The following OSBPL3 variants were observed in gnomAD, a reference collection of about 807,000 sequenced individuals.
OSBPL3 encodes oxysterol-binding protein-related protein 3.
OSBPL3 carries 65 observed loss-of-function variants against 120.1 expected under a neutral mutation model. That is an observed-to-expected ratio of 0.54 (90% confidence interval 0.44 to 0.67). The LOEUF is 0.67. OSBPL3 is among the 30% of genes least tolerant of loss of function. OSBPL3 has a pLI of 0.00. For missense variants in OSBPL3, 1,004 were observed against 1,082.1 expected (o/e 0.93, Z 1.01); for synonymous variants, 416 against 402.6 (o/e 1.03, Z -0.40).
At chr7:24,917,468 T>C (rs200865031) in intron 1 of OSBPL3, among the ~76,000 whole-genome samples, 3,991 of 111,802 alleles carry the variant, frequency 0.036, 246 homozygotes, top group East Asian at 0.17. Flanking sequence ...TATATATATA[T>C]ACACACACAC....
chr7:24,853,869 G>T (rs1056181560), intron 10 of OSBPL3, among the ~76,000 whole-genome samples: 8 of 152,160 alleles, frequency 5.3e-5, no homozygotes, highest in Non-Finnish European at 1.2e-4. Flanking sequence ...CTGTAAGTTT[G>T]TAATTGTTTC....
At chr7:24,800,964 C>CCAA (rs1792253413) in intron 22 of OSBPL3, among the ~76,000 whole-genome samples, 1 of 145,836 alleles carries the variant, frequency 6.9e-6, no homozygotes, top group Non-Finnish European at 1.5e-5. Flanking sequence ...TAAAGGAGGC[C>CCAA]GGGTGTGGTG....
Position 24,804,286 on chromosome 7 carries a change from C to T in OSBPL3, c.2567+29G>A, listed in dbSNP as rs374501564. ...ATAACGTGCTGGCACCACCTATCAA[C>T]CAAAAACCTACTCAATCCAGGCACG... On this transcript the variant is annotated intron_variant, in intron 22 of 22. Transcript: ENST00000313367. This position sits in a 1 kb window ranked among gnomAD's most constrained non-coding sequence, Gnocchi z 5.4. 239 of 1,613,896 alleles carry T rather than the reference C, an allele frequency of 1.5e-4. No individual in the cohort carries two copies. Among genetic ancestry groups the T allele is most frequent in the Non-Finnish European group, 1.9e-4 (221 of 1,179,940 alleles).
intron 1 of OSBPL3, among the ~76,000 whole-genome samples, chr7:24,921,060 C>G (rs933690912): frequency 6.6e-6 from 1 of 152,108 alleles, no homozygotes; most frequent in Non-Finnish European, 1.5e-5. Flanking sequence ...TATGTGTAAT[C>G]CAAGGTCTAA....
At position 24,899,932 on chromosome 7, in the gene OSBPL3, T is replaced by G. The variant is rs1019490582; in HGVS notation, c.-149-7311A>C. 6.6e-6 allele frequency among the ~76,000 whole-genome samples: 1 copy of G among 152,238 alleles called. No individual in the cohort carries two copies. The highest frequency in any genetic ancestry group is 2.4e-5 in the African/African-American group (1 of 41,466). ...GCCCTGGGTGATTTTTGCTTAAAGT[T>G]TGAGAACGTAACTGACTTAGCCTGT... is the stretch of plus-strand genomic sequence containing the variant. On this transcript the variant is annotated intron_variant, in intron 1 of 22. Coordinates refer to ENST00000313367, the MANE Select transcript of OSBPL3 (RefSeq NM_015550.4). This position sits in a 1 kb window ranked among gnomAD's most constrained non-coding sequence, Gnocchi z 4.0.
chr7:24,866,025 A>T, intron 6 of OSBPL3, 45 bp downstream of exon 6: 1 of 1,542,010 alleles, frequency 6.5e-7, no homozygotes, highest in Non-Finnish European at 9.0e-7. Flanking sequence ...CCATGAAACA[A>T]AGCCACCCCG....
rs1167757308 is a variant in OSBPL3, at chr7:24,972,980, T to C, written c.-150+6906A>G. 2.0e-5 allele frequency among the ~76,000 whole-genome samples: 3 copies of C among 152,292 alleles called. No homozygotes were observed. Among genetic ancestry groups the C allele is most frequent in the East Asian group, 3.9e-4 (2 of 5,190 alleles). On this transcript the variant is annotated intron_variant, in intron 1 of 22. Coordinates refer to ENST00000313367, the MANE Select transcript of OSBPL3 (RefSeq NM_015550.4). This position sits in a 1 kb window ranked among gnomAD's most constrained non-coding sequence, Gnocchi z 4.3. Reference sequence around the variant, plus strand: ...GAGAAATGTTACATTGAGGAAAGTATCTGACCCACACAATACTAAAAATAA... The same window carrying C: ...GAGAAATGTTACATTGAGGAAAGTACCTGACCCACACAATACTAAAAATAA...
intron 5 of OSBPL3, 131 bp downstream of exon 5, chr7:24,870,600 AC>A (rs1801968363): frequency 1.5e-6 from 1 of 647,256 alleles, no homozygotes; most frequent in Non-Finnish European, 2.9e-6. Flanking sequence ...CCAACACTGT[AC>A]ATGAGAAACA....
chr7:24,900,091 T>TGCA lies in OSBPL3; in HGVS notation c.-149-7473_-149-7471dup, dbSNP rs1806768489. 6.6e-6 allele frequency among the ~76,000 whole-genome samples: 1 copy of TGCA among 152,200 alleles called. No homozygotes were observed. On this transcript the variant is annotated intron_variant, in intron 1 of 22. Coordinates refer to ENST00000313367, the MANE Select transcript of OSBPL3 (RefSeq NM_015550.4). This position sits in a 1 kb window ranked among gnomAD's most constrained non-coding sequence, Gnocchi z 4.5. The stretch of plus-strand genomic sequence containing the variant: ...GTTTTTAAAGAGGGGCCCTAAGACT[T>TGCA]GCAGCATCATTATCACCTGGGACCT...
Position 24,804,475 on chromosome 7 carries a change from T to C in OSBPL3, c.2445-38A>G, listed in dbSNP as rs1271901189. On this transcript the variant is annotated intron_variant, in intron 21 of 22. Coordinates refer to ENST00000313367, the MANE Select transcript of OSBPL3 (RefSeq NM_015550.4). The surrounding 1 kb of genome is among the most constrained non-coding windows in gnomAD (Gnocchi z 5.4). ...GGAAAAAAAAATGAAAGGATATGAA[T>C]TCAAGAAAACAAAACAATCATTACT... 1 of 1,597,422 alleles carries C rather than the reference T, an allele frequency of 6.3e-7. No homozygotes were observed. Among genetic ancestry groups the C allele is most frequent in the Admixed American group, 1.7e-5 (1 of 58,800 alleles).
intron 2 of OSBPL3, among the ~76,000 whole-genome samples, chr7:24,890,855 A>C (rs1410889474): frequency 6.6e-6 from 1 of 152,250 alleles, no homozygotes; most frequent in African/African-American, 2.4e-5. Flanking sequence ...CTTCCAAAAA[A>C]GCTTTGTGAA....
At position 24,871,265 on chromosome 7, in the gene OSBPL3, G is replaced by T. The variant is rs1802068544; in HGVS notation, c.268-420C>A. On this transcript the variant is annotated intron_variant, in intron 4 of 22. Transcript: ENST00000313367. This position sits in a 1 kb window ranked among gnomAD's most constrained non-coding sequence, Gnocchi z 4.8. ...AAGTGAGAGCAGAAGGCTGAGAGAG[G>T]ACAGGAGAGGAAGAAGGGAGAAGAG... Among the ~76,000 whole-genome samples the T allele has an allele frequency of 6.6e-6, 1 of 152,190 alleles. No homozygotes were observed. Among genetic ancestry groups the T allele is most frequent in the Non-Finnish European group, 1.5e-5 (1 of 68,038 alleles).
At chr7:24,840,628 A>T in intron 14 of OSBPL3, 62 bp downstream of exon 14, 1 of 685,462 alleles carries the variant, frequency 1.5e-6, no homozygotes, top group South Asian at 1.9e-5. Flanking sequence ...AGTCAACTAT[A>T]CAACTTATTA....
At position 24,849,253 on chromosome 7, in the gene OSBPL3, G is replaced by T; in HGVS notation, c.1159-77C>A. The T allele has an allele frequency of 9.3e-7, 1 of 1,080,558 alleles. No homozygotes were observed. The highest frequency in any genetic ancestry group is 1.4e-6 in the Non-Finnish European group (1 of 717,674). The allele number at this position is 1,080,558 out of a possible 1,614,324, so 66.9% of individuals were successfully genotyped here. ...AAGCACAGCAGTGGGCCCTGCAGGAGCGATCTCTAAGAGCTTGATGAAACT... is the reference window on the plus strand; with the variant it reads ...AAGCACAGCAGTGGGCCCTGCAGGATCGATCTCTAAGAGCTTGATGAAACT... On this transcript the variant is annotated intron_variant, in intron 11 of 22. Transcript: ENST00000313367. The surrounding 1 kb of genome is among the most constrained non-coding windows in gnomAD (Gnocchi z 5.4).
Position 24,852,408 on chromosome 7 carries a change from C to T in OSBPL3, c.1158+96G>A. ...TATAATTTGGATAATTTGGTTTTCT[C>T]CTGAATTTTCAACATAATCATGGAA... On this transcript the variant is annotated intron_variant, in intron 11 of 22. Transcript: ENST00000313367. The surrounding 1 kb of genome is among the most constrained non-coding windows in gnomAD (Gnocchi z 4.1). 8.5e-7 allele frequency: 1 copy of T among 1,172,722 alleles called. No homozygotes were observed. The highest frequency in any genetic ancestry group is 1.1e-6 in the Non-Finnish European group (1 of 876,660). The allele number at this position is 1,172,722 out of a possible 1,614,324, so 72.6% of individuals were successfully genotyped here.
At chr7:24,839,201 T>C (rs556653444) in intron 14 of OSBPL3, among the ~76,000 whole-genome samples, 1 of 152,302 alleles carries the variant, frequency 6.6e-6, no homozygotes, top group African/African-American at 2.4e-5. Flanking sequence ...GCTTTGAGTA[T>C]CCAATGCATA....
intron 10 of OSBPL3, among the ~76,000 whole-genome samples, chr7:24,856,815 C>T (rs1799894505): frequency 6.6e-6 from 1 of 152,074 alleles, no homozygotes; most frequent in African/African-American, 2.4e-5. Flanking sequence ...GTTAACATTC[C>T]TAATATATCT....
In OSBPL3 at chr7:24,959,315, G is replaced by GA. The variant is rs572996044; in HGVS notation, c.-150+20570dup. 3.1e-4 allele frequency among the ~76,000 whole-genome samples: 46 copies of GA among 149,132 alleles called. 4 individuals are homozygous for GA. Among genetic ancestry groups the GA allele is most frequent in the South Asian group, 1.7e-3 (8 of 4,698 alleles). Reference sequence around the variant, plus strand: ...GCACTAATCATAAAAACCCCAAACAGAAAAAAAAACAAATGTTTATCAATA... The same window carrying GA: ...GCACTAATCATAAAAACCCCAAACAGAAAAAAAAAACAAATGTTTATCAATA... On this transcript the variant is annotated intron_variant, in intron 1 of 22. Transcript: ENST00000313367. This position sits in a 1 kb window ranked among gnomAD's most constrained non-coding sequence, Gnocchi z 4.3.
At position 24,922,546 on chromosome 7, in the gene OSBPL3, C is replaced by T. The variant is rs1385537122; in HGVS notation, c.-149-29925G>A. 6.6e-6 allele frequency among the ~76,000 whole-genome samples: 1 copy of T among 152,220 alleles called. No homozygotes were observed. Among genetic ancestry groups the T allele is most frequent in the Non-Finnish European group, 1.5e-5 (1 of 68,042 alleles). ...ACATAAAATGCACTATGTGATTCAT[C>T]ATTACAGTAAACCCCAAGGGAAGTG... is the stretch of plus-strand genomic sequence containing the variant. On this transcript the variant is annotated intron_variant, in intron 1 of 22. Coordinates refer to ENST00000313367, the MANE Select transcript of OSBPL3 (RefSeq NM_015550.4). This position sits in a 1 kb window ranked among gnomAD's most constrained non-coding sequence, Gnocchi z 4.3.
Sources: allele counts gnomAD v4.1 joint callset (sites outside exome capture counted in the v4.1 genomes callset), GRCh38; gene constraint gnomAD v4.1.1; non-coding constraint Gnocchi (gnomAD v3.1); transcripts MANE v1.5; gene names NCBI Gene and HGNC (gene_info 2026-07-23, HGNC 2026-07-21).